The following NEDD4L variants were observed in gnomAD, a reference collection of about 807,000 sequenced individuals.
The protein encoded by NEDD4L is E3 ubiquitin-protein ligase NEDD4-like.
Under a neutral mutation model 148.9 loss-of-function variants are expected in NEDD4L, and 54 were observed. The observed-to-expected ratio is 0.36, with a 90% CI of 0.29 to 0.45. NEDD4L has a LOEUF of 0.45. Among genes scored for constraint, NEDD4L ranks in the 20% least tolerant of loss-of-function variants. The probability of loss-of-function intolerance (pLI) is 1.00; values close to 1 mark genes in which losing one functional copy is unlikely to be tolerated. For missense variants in NEDD4L, 856 were observed against 1,233.8 expected, an observed-to-expected ratio of 0.69 and a Z score of 4.59; for synonymous variants, 433 against 440.7, an observed-to-expected ratio of 0.98 and a Z score of 0.22.
chr18:58,297,519 G>A (rs1026337772), intron 5 of NEDD4L, among the ~76,000 whole-genome samples: 12 of 152,158 alleles, frequency 7.9e-5, no homozygotes, highest in Non-Finnish European at 1.5e-4. Flanking sequence ...GAAAAAGGTC[G>A]TGTTTGATCC....
intron 1 of NEDD4L, chr18:58,091,053 A>G (rs905162984): frequency 1.3e-5 from 2 of 152,208 alleles, no homozygotes; most frequent in African/African-American, 4.8e-5. Context: ...AGAGATTAAA[A>G]TGTCCTTCCT....
intron 5 of NEDD4L, among the ~76,000 whole-genome samples, chr18:58,266,301 T>A (rs1214228397): frequency 6.6e-6 from 1 of 152,096 alleles, no homozygotes; most frequent in Non-Finnish European, 1.5e-5. Context: ...GGATGATACA[T>A]TTCTAACCTT....
chr18:58,051,063 C>T (rs1330051149), intron 1 of NEDD4L, among the ~76,000 whole-genome samples: 1 of 152,160 alleles, frequency 6.6e-6, no homozygotes, highest in Non-Finnish European at 1.5e-5. Flanking sequence ...TTGACACCAG[C>T]CTGGGCAATG....
At chr18:58,050,653 C>G (rs1002981822) in intron 1 of NEDD4L, among the ~76,000 whole-genome samples, 1 of 150,708 alleles carries the variant, frequency 6.6e-6, no homozygotes, top group Non-Finnish European at 1.5e-5. Context: ...CCCAGTTACT[C>G]GGGAGGCTGA....
chr18:58,215,730 CAG>C (rs755088918), intron 2 of NEDD4L, among the ~76,000 whole-genome samples: 4 of 152,010 alleles, frequency 2.6e-5, no homozygotes, highest in Admixed American at 1.3e-4. Context: ...GAGGAAAAAA[CAG>C]AAAAAACAAC....
intron 5 of NEDD4L, among the ~76,000 whole-genome samples, chr18:58,301,444 T>C (rs940031784): frequency 1.3e-5 from 2 of 152,222 alleles, no homozygotes; most frequent in Non-Finnish European, 2.9e-5. Flanking sequence ...TGTGTCACTC[T>C]CTCTGGTTTT....
chr18:58,333,278 TAA>T (rs910110108), intron 11 of NEDD4L, among the ~76,000 whole-genome samples: 105 of 129,246 alleles, frequency 8.1e-4, no homozygotes, highest in African/African-American at 1.5e-3. Flanking sequence ...ACTCTATATT[TAA>T]AAAAAAAAAA....
intron 2 of NEDD4L, among the ~76,000 whole-genome samples, chr18:58,179,256 AC>A (rs1178974055): frequency 6.6e-6 from 1 of 152,178 alleles, no homozygotes; most frequent in Non-Finnish European, 1.5e-5. Flanking sequence ...GTGAGACTTC[AC>A]CCACTAGTGG....
At chr18:58,116,646 G>T (rs1310301131) in intron 1 of NEDD4L, among the ~76,000 whole-genome samples, 1 of 152,244 alleles carries the variant, frequency 6.6e-6, no homozygotes, top group African/African-American at 2.4e-5. Flanking sequence ...AGCATTTGCA[G>T]AGGGAGACCA....
chr18:58,083,497 C>A (rs1306882963), intron 1 of NEDD4L, among the ~76,000 whole-genome samples: 1 of 152,082 alleles, frequency 6.6e-6, no homozygotes, highest in Non-Finnish European at 1.5e-5. Flanking sequence ...ACCATCCTGG[C>A]TAACACAGTG....
chr18:58,324,939 T>C, intron 8 of NEDD4L, 57 bp from the exon 9 acceptor site: 1 of 1,516,162 alleles, frequency 6.6e-7, no homozygotes, highest in East Asian at 2.3e-5. Flanking sequence ...TGTGATGACC[T>C]CTTACTCACA....
chr18:58,371,251 C>T (rs1217896929), intron 23 of NEDD4L, among the ~76,000 whole-genome samples: 6 of 111,748 alleles, frequency 5.4e-5, no homozygotes, highest in Non-Finnish European at 6.7e-5. Context: ...AACGAGGTTT[C>T]GCTATGTTGG....
chr18:58,267,672 T>G (rs561465118), intron 5 of NEDD4L, among the ~76,000 whole-genome samples: 5 of 152,178 alleles, frequency 3.3e-5, no homozygotes, highest in African/African-American at 1.2e-4. Flanking sequence ...GTTTTTCTTC[T>G]CCTTAAGGAA....
At chr18:58,274,860 G>C (rs1026924690) in intron 5 of NEDD4L, among the ~76,000 whole-genome samples, 1 of 152,228 alleles carries the variant, frequency 6.6e-6, no homozygotes, top group Non-Finnish European at 1.5e-5. Context: ...CGTTTTTTAT[G>C]TAGTAGGTGC....
intron 5 of NEDD4L, among the ~76,000 whole-genome samples, chr18:58,291,404 A>G (rs2054743545): frequency 6.6e-6 from 1 of 152,242 alleles, no homozygotes; most frequent in Non-Finnish European, 1.5e-5. Context: ...AGGAGAGAGA[A>G]GTGAAAATTG....
rs145171551 is a variant in NEDD4L at position 58,227,538 on chromosome 18, G to A, written c.123-17889G>A. Among the ~76,000 whole-genome samples, 840 of 152,240 alleles carry A rather than the reference G, an allele frequency of 5.5e-3. 5 individuals are homozygous for A. The highest frequency in any genetic ancestry group is 0.01 in the Middle Eastern group (3 of 294). On this transcript the variant is annotated intron_variant, in intron 2 of 30. Coordinates refer to ENST00000400345, the MANE Select transcript of NEDD4L (RefSeq NM_001144967.3). ...GATTCTTAGGACTGTGCGGTCAGTCGAATTACCAGACGTCCCTGCATGCTC... is the reference window on the plus strand; with the variant it reads ...GATTCTTAGGACTGTGCGGTCAGTCAAATTACCAGACGTCCCTGCATGCTC...
chr18:58,352,133 T>C (rs2043967933), intron 18 of NEDD4L, among the ~76,000 whole-genome samples: 2 of 152,206 alleles, frequency 1.3e-5, no homozygotes, highest in African/African-American at 4.8e-5. Flanking sequence ...AGCTACCCTT[T>C]GTTTAAACCA....
intron 13 of NEDD4L, among the ~76,000 whole-genome samples, chr18:58,338,160 G>C (rs1426044062): frequency 6.6e-6 from 1 of 152,140 alleles, no homozygotes; most frequent in African/African-American, 2.4e-5. Context: ...AATGGCTTTT[G>C]GGCATCACAA....
At chr18:58,049,550 G>C (rs200601292) in intron 1 of NEDD4L, among the ~76,000 whole-genome samples, 3 of 152,230 alleles carry the variant, frequency 2.0e-5, no homozygotes, top group African/African-American at 7.2e-5. Flanking sequence ...GTCGGGCCTA[G>C]ATGCTGGATG....
Sources: gnomAD v4.1 joint callset for allele counts (sites outside exome capture counted in the v4.1 genomes callset) on GRCh38, gnomAD v4.1.1 for gene constraint, MANE v1.5 for transcripts, NCBI Gene and HGNC (gene_info 2026-07-23, HGNC 2026-07-21) for gene names.